B3GALT1: variants seen among roughly 807,000 people sequenced by gnomAD.
B3GALT1 encodes the protein beta-1,3-galactosyltransferase 1.
In B3GALT1, 10 loss-of-function variants were observed where a neutral mutation model predicts 23.2. That is an observed-to-expected ratio of 0.43 (90% CI 0.27 to 0.73). The LOEUF is 0.73. Ranked by LOEUF, B3GALT1 falls within the 30% of genes least tolerant of loss-of-function variation. B3GALT1 has a pLI of 0.21. For missense variants in B3GALT1, 299 were observed against 405.4 expected (o/e 0.74, Z 2.25); for synonymous variants, 156 against 141.5 (o/e 1.10, Z -0.73).
At chr2:167,538,237 T>C (rs1381205167) in intron 2 of B3GALT1, among the ~76,000 whole-genome samples, 2 of 152,174 alleles carry the variant, frequency 1.3e-5, no homozygotes, top group Non-Finnish European at 2.9e-5. Flanking sequence ...ATCTGGATAC[T>C]AGAAAACAAA....
intron 2 of B3GALT1, among the ~76,000 whole-genome samples, chr2:167,644,178 A>T (rs1036678178): frequency 3.3e-5 from 5 of 152,218 alleles, no homozygotes; most frequent in African/African-American, 1.2e-4. Flanking sequence ...GCAGAAGTGG[A>T]TACTCATTGG....
intron 1 of B3GALT1, among the ~76,000 whole-genome samples, chr2:167,393,860 T>C (rs1330244910): frequency 6.6e-6 from 1 of 152,228 alleles, no homozygotes; most frequent in African/African-American, 2.4e-5. Context: ...CTCTGACTTA[T>C]CCAAAAGTGG....
At chr2:167,715,366 T>C in intron 3 of B3GALT1, 1 of 1,613,910 alleles carries the variant, frequency 6.2e-7, no homozygotes, top group Admixed American at 1.7e-5. Context: ...TCACTTGTTC[T>C]TTCCATACTT....
At chr2:167,812,686 C>A (rs184755313) in intron 3 of B3GALT1, among the ~76,000 whole-genome samples, 1 of 152,048 alleles carries the variant, frequency 6.6e-6, no homozygotes, top group Non-Finnish European at 1.5e-5. Flanking sequence ...CATGTGAATT[C>A]CATGTAAAAG....
chr2:167,496,708 TAGG>T (rs1357995999), intron 2 of B3GALT1, among the ~76,000 whole-genome samples: 1 of 152,132 alleles, frequency 6.6e-6, no homozygotes, highest in Admixed American at 6.5e-5. Flanking sequence ...GTGATGGTAT[TAGG>T]AGGTGAAGCC....
intron 2 of B3GALT1, among the ~76,000 whole-genome samples, chr2:167,558,942 T>G (rs921446116): frequency 3.9e-5 from 6 of 152,190 alleles, no homozygotes; most frequent in Admixed American, 3.9e-4. Context: ...GTCTGACAGC[T>G]TTGAAGAGAG....
At chr2:167,367,438 T>C (rs185571112) in intron 1 of B3GALT1, among the ~76,000 whole-genome samples, 1 of 152,270 alleles carries the variant, frequency 6.6e-6, no homozygotes, top group Admixed American at 6.5e-5. Flanking sequence ...CTCTACTGGA[T>C]AGAGAGACAA....
At chr2:167,625,749 G>A (rs1685330122) in intron 2 of B3GALT1, among the ~76,000 whole-genome samples, 1 of 151,060 alleles carries the variant, frequency 6.6e-6, no homozygotes, top group Non-Finnish European at 1.5e-5. Flanking sequence ...TTGGAAACTG[G>A]CTTTTGTTTC....
At chr2:167,321,694 A>G (rs1169166543) in intron 1 of B3GALT1, among the ~76,000 whole-genome samples, 2 of 151,978 alleles carry the variant, frequency 1.3e-5, no homozygotes, top group South Asian at 2.1e-4. Flanking sequence ...TTCTCTATTC[A>G]TGCTTCCCCA....
At chr2:167,632,037 A>G (rs1225210273) in intron 2 of B3GALT1, among the ~76,000 whole-genome samples, 1 of 151,778 alleles carries the variant, frequency 6.6e-6, no homozygotes, top group Non-Finnish European at 1.5e-5. Context: ...GAGTGAGAAC[A>G]TGTGGTGTTC....
chr2:167,301,428 C>G (rs1368294515), intron 1 of B3GALT1, among the ~76,000 whole-genome samples: 1 of 152,166 alleles, frequency 6.6e-6, no homozygotes, highest in East Asian at 1.9e-4. Flanking sequence ...GCTTCAGGCT[C>G]AAATTCCTAG....
intron 2 of B3GALT1, among the ~76,000 whole-genome samples, chr2:167,562,283 A>T (rs1397090710): frequency 6.6e-6 from 1 of 152,230 alleles, no homozygotes; most frequent in Non-Finnish European, 1.5e-5. Context: ...CTCTCAATAC[A>T]TTAGGTATTG....
At chr2:167,592,272 C>T (rs1044101619) in intron 2 of B3GALT1, among the ~76,000 whole-genome samples, 20 of 152,310 alleles carry the variant, frequency 1.3e-4, no homozygotes, top group Middle Eastern at 6.8e-3. Context: ...GCAGTCACTG[C>T]GGACTCTCTG....
chr2:167,446,366 A>G (rs986342480), intron 1 of B3GALT1, among the ~76,000 whole-genome samples: 1 of 152,102 alleles, frequency 6.6e-6, no homozygotes, highest in Non-Finnish European at 1.5e-5. Context: ...CTCGAGGAGT[A>G]TCTTTGTGGC....
intron 1 of B3GALT1, among the ~76,000 whole-genome samples, chr2:167,421,063 T>C (rs1435256350): frequency 1.3e-5 from 2 of 152,228 alleles, no homozygotes; most frequent in Admixed American, 1.3e-4. Context: ...TGCATTATAA[T>C]AGGACATCAT....
intron 4 of B3GALT1, among the ~76,000 whole-genome samples, chr2:167,825,940 A>G (rs73021256): frequency 0.035 from 5,387 of 152,326 alleles, 320 homozygotes; most frequent in African/African-American, 0.12. Flanking sequence ...TGACAAATTC[A>G]GAGCAAATGT....
chr2:167,827,430 C>A (rs989127803), intron 4 of B3GALT1, among the ~76,000 whole-genome samples: 3 of 152,178 alleles, frequency 2.0e-5, no homozygotes, highest in Non-Finnish European at 2.9e-5. Context: ...TGCCCTTGGG[C>A]CCCCTAAATT....
At chr2:167,462,974 A>G (rs1699284483) in intron 1 of B3GALT1, among the ~76,000 whole-genome samples, 1 of 152,048 alleles carries the variant, frequency 6.6e-6, no homozygotes, top group East Asian at 1.9e-4. Flanking sequence ...AGTTTTTGAG[A>G]TTGTTTATGA....
At chr2:167,312,842 C>T (rs1320819469) in intron 1 of B3GALT1, among the ~76,000 whole-genome samples, 1 of 151,944 alleles carries the variant, frequency 6.6e-6, no homozygotes. Context: ...GTTGTACCAC[C>T]ATAAATCAGG....
Sources: gnomAD v4.1 joint callset for allele counts (sites outside exome capture counted in the v4.1 genomes callset) on GRCh38, gnomAD v4.1.1 for gene constraint, MANE v1.5 for transcripts, NCBI Gene and HGNC (gene_info 2026-07-23, HGNC 2026-07-21) for gene names.